The following SH3BGRL2 variants were observed in gnomAD, a reference collection of about 807,000 sequenced individuals.
The protein encoded by SH3BGRL2 is SH3 domain binding glutamate rich protein like 2, also known as SH3 domain-binding glutamic acid-rich-like protein 2.
In SH3BGRL2, 21 loss-of-function variants were observed where a neutral mutation model predicts 14.8. The observed-to-expected ratio is 1.42, with a 90% CI of 1.01 to 2.05. The LOEUF is 2.05. Ranked by LOEUF, SH3BGRL2 falls within the 30% of genes most tolerant of loss-of-function variation. The probability of loss-of-function intolerance (pLI) is 0.00; values close to 1 mark genes in which losing one functional copy is unlikely to be tolerated. For synonymous variants in SH3BGRL2, 50 were observed against 47.8 expected (o/e 1.05, Z -0.19); for missense variants, 147 against 130.8 (o/e 1.12, Z -0.61).
At chr6:79,659,449 G>C (rs1463946519) in intron 1 of SH3BGRL2, among the ~76,000 whole-genome samples, 1 of 152,138 alleles carries the variant, frequency 6.6e-6, no homozygotes, top group African/African-American at 2.4e-5. Flanking sequence ...GATGGTTGTA[G>C]ATGTGTGGTG....
At chr6:79,593,177 C>T in the SH3BGRL2 span, among the ~76,000 whole-genome samples, 1 of 152,122 alleles carries the variant, frequency 6.6e-6, no homozygotes, top group Non-Finnish European at 1.5e-5. Context: ...TTTTAAACAA[C>T]TGTATACCTT....
Position 79,649,881 on chromosome 6 carries a change from A to G in SH3BGRL2, c.45+18375A>G, listed in dbSNP as rs1039780290. Among the ~76,000 whole-genome samples, 6 of 152,194 alleles carry G rather than the reference A, an allele frequency of 3.9e-5. No homozygotes were observed. The East Asian group carries it at 1.2e-3, about 29-fold the overall frequency. On this transcript the variant is annotated intron_variant, in intron 1 of 3. Transcript: ENST00000369838. ...TAGTTCCTCGGGAAGTGTCTAGCACAATGAAAGTCCTTGTAAACGTCTGAG... is the reference window on the plus strand; with the variant it reads ...TAGTTCCTCGGGAAGTGTCTAGCACGATGAAAGTCCTTGTAAACGTCTGAG...
At chr6:79,587,400 A>G in the SH3BGRL2 span, among the ~76,000 whole-genome samples, 1 of 152,192 alleles carries the variant, frequency 6.6e-6, no homozygotes, top group Admixed American at 6.5e-5. Context: ...GAGTTCTGGT[A>G]TCCCCAAGAA....
chr6:79,619,826 G>A, the SH3BGRL2 span, among the ~76,000 whole-genome samples: 1 of 152,078 alleles, frequency 6.6e-6, no homozygotes. Flanking sequence ...AGACATAAGT[G>A]GGAATCACTT....
At position 79,685,453 on chromosome 6, in the gene SH3BGRL2, G is replaced by A. The variant is rs111241572; in HGVS notation, c.232-11032G>A. On this transcript the variant is annotated intron_variant, in intron 2 of 3. Transcript: ENST00000369838. ...TCCCCAATATGTAGCCTTTTCATGA[G>A]GCTCTGCTTTGTCATTTTTCTAAGT... Among the ~76,000 whole-genome samples, 557 of 152,064 alleles carry A rather than the reference G, an allele frequency of 3.7e-3. 4 individuals are homozygous for A. The highest frequency in any genetic ancestry group is 0.013 in the African/African-American group (519 of 41,484).
At chr6:79,622,504 G>A in the SH3BGRL2 span, among the ~76,000 whole-genome samples, 2 of 152,148 alleles carry the variant, frequency 1.3e-5, no homozygotes, top group Non-Finnish European at 2.9e-5. Context: ...AAGATTCTGT[G>A]TCTCTGCATG....
At chr6:79,671,730 C>T (rs930635324) in intron 1 of SH3BGRL2, among the ~76,000 whole-genome samples, 5 of 152,170 alleles carry the variant, frequency 3.3e-5, no homozygotes, top group African/African-American at 1.2e-4. Context: ...ACCTGGGCCC[C>T]GCCCAGTAGG....
At chr6:79,538,096 T>C in the SH3BGRL2 span, among the ~76,000 whole-genome samples, 1 of 143,576 alleles carries the variant, frequency 7.0e-6, no homozygotes, top group African/African-American at 2.6e-5. Context: ...TGAGCGCTGA[T>C]GTGTGACATA....
the SH3BGRL2 span, among the ~76,000 whole-genome samples, chr6:79,566,570 AGTT>A: frequency 1.3e-5 from 2 of 152,204 alleles, no homozygotes; most frequent in African/African-American, 4.8e-5. Context: ...ATCGTTTGTC[AGTT>A]GTTTCCATGA....
At chr6:79,576,491 T>C in the SH3BGRL2 span, among the ~76,000 whole-genome samples, 7 of 152,206 alleles carry the variant, frequency 4.6e-5, no homozygotes, top group Admixed American at 3.3e-4. Context: ...TAGTTTATTG[T>C]CCTCCTTTTT....
At chr6:79,543,880 G>A in the SH3BGRL2 span, among the ~76,000 whole-genome samples, 1 of 151,982 alleles carries the variant, frequency 6.6e-6, no homozygotes, top group South Asian at 2.1e-4. Flanking sequence ...CCTTACTAAG[G>A]CACTCTTCTT....
At chr6:79,644,284 G>A (rs2127724605) in intron 1 of SH3BGRL2, among the ~76,000 whole-genome samples, 1 of 152,290 alleles carries the variant, frequency 6.6e-6, no homozygotes, top group South Asian at 2.1e-4. Flanking sequence ...GGAGTAGAAA[G>A]GAGGAGGCCA....
intron 1 of SH3BGRL2, among the ~76,000 whole-genome samples, chr6:79,636,364 C>A (rs1415075219): frequency 6.6e-6 from 1 of 152,004 alleles, no homozygotes; most frequent in African/African-American, 2.4e-5. Flanking sequence ...ACTGCCCTAT[C>A]CAAAATGCAA....
At chr6:79,632,096 C>T (rs939641546) in intron 1 of SH3BGRL2, among the ~76,000 whole-genome samples, 3 of 152,076 alleles carry the variant, frequency 2.0e-5, no homozygotes, top group African/African-American at 7.2e-5. Flanking sequence ...CTTAGGGTGC[C>T]ATAAATATTT....
the SH3BGRL2 span, among the ~76,000 whole-genome samples, chr6:79,606,340 T>G: frequency 6.6e-6 from 1 of 152,228 alleles, no homozygotes; most frequent in East Asian, 1.9e-4. Flanking sequence ...TATAGCTACC[T>G]TCTTTTGTAT....
At chr6:79,564,698 T>G in the SH3BGRL2 span, among the ~76,000 whole-genome samples, 2 of 152,206 alleles carry the variant, frequency 1.3e-5, no homozygotes, top group Non-Finnish European at 2.9e-5. Context: ...CACAAGAGTT[T>G]TACAGGTCTG....
chr6:79,652,424 TATC>T (rs1769314466), intron 1 of SH3BGRL2, among the ~76,000 whole-genome samples: 1 of 152,196 alleles, frequency 6.6e-6, no homozygotes, highest in African/African-American at 2.4e-5. Flanking sequence ...TTTATAAAAG[TATC>T]ATTCTGCAAC....
the SH3BGRL2 span, among the ~76,000 whole-genome samples, chr6:79,572,053 T>C: frequency 3.3e-5 from 5 of 152,204 alleles, no homozygotes; most frequent in African/African-American, 1.2e-4. Flanking sequence ...AAATTCACAT[T>C]GGTATGTTTT....
the SH3BGRL2 span, among the ~76,000 whole-genome samples, chr6:79,569,602 G>T: frequency 1.3e-5 from 2 of 152,114 alleles, no homozygotes; most frequent in African/African-American, 4.8e-5. Flanking sequence ...TTCCAAAGGC[G>T]GAAGGGTAAA....
Sources: gnomAD v4.1 joint callset for allele counts (sites outside exome capture counted in the v4.1 genomes callset) on GRCh38, gnomAD v4.1.1 for gene constraint, MANE v1.5 for transcripts, NCBI Gene and HGNC (gene_info 2026-07-23, HGNC 2026-07-21) for gene names.